The following REST variants were observed in gnomAD, a reference collection of about 807,000 sequenced individuals.
REST encodes RE1-silencing transcription factor.
In REST, 1 loss-of-function variant was observed where a neutral mutation model predicts 30.4. The observed-to-expected ratio is 0.03, with a 90% CI of 0.01 to 0.16. The LOEUF is 0.16. Among genes scored for constraint, REST ranks in the 10% least tolerant of loss-of-function variants. The pLI, the probability that REST is intolerant of heterozygous loss-of-function variation, is 1.00. For missense variants in REST, 1,259 were observed against 1,329.5 expected, an observed-to-expected ratio of 0.95 and a Z score of 0.82; for synonymous variants, 504 against 451.1, an observed-to-expected ratio of 1.12 and a Z score of -1.49.
At chr4:56,921,584 A>C (rs1032296099) in intron 3 of REST, among the ~76,000 whole-genome samples, 4 of 151,756 alleles carry the variant, frequency 2.6e-5, no homozygotes, top group African/African-American at 9.7e-5. Context: ...TAATTTTTGT[A>C]ATTTTAGTAG....
At chr4:56,927,835 A>G (rs1024131319) in intron 3 of REST, among the ~76,000 whole-genome samples, 2 of 152,188 alleles carry the variant, frequency 1.3e-5, no homozygotes, top group African/African-American at 4.8e-5. Context: ...GGTGGGGGGA[A>G]AATCAAGAAA....
intron 2 of REST, among the ~76,000 whole-genome samples, chr4:56,918,232 C>G (rs1193329247): frequency 1.3e-5 from 2 of 152,034 alleles, no homozygotes; most frequent in African/African-American, 4.8e-5. Flanking sequence ...TGGCTCATGC[C>G]CGTAATCCCA....
At chr4:56,927,545 T>G in intron 3 of REST, 1 of 596,204 alleles carries the variant, frequency 1.7e-6, no homozygotes, top group Non-Finnish European at 2.2e-6. Context: ...GATATGAATT[T>G]GAGAATGTTT....
intron 3 of REST, among the ~76,000 whole-genome samples, chr4:56,928,729 G>T (rs1720820054): frequency 6.6e-6 from 1 of 151,804 alleles, no homozygotes. Context: ...GGGATTACTG[G>T]CATGCAACAC....
At chr4:56,919,946 C>T (rs767943402) in intron 3 of REST, 76 bp downstream of exon 3, 9 of 644,006 alleles carry the variant, frequency 1.4e-5, no homozygotes, top group South Asian at 2.8e-5. Context: ...GACTTGTAAC[C>T]GAGTCATTTA....
chr4:56,919,335 G>A (rs1720343993), intron 2 of REST, among the ~76,000 whole-genome samples: 1 of 151,906 alleles, frequency 6.6e-6, no homozygotes, highest in African/African-American at 2.4e-5. Flanking sequence ...ATTGTTTTAA[G>A]CTAACACTTT....
At chr4:56,926,099 G>C (rs901796280) in intron 3 of REST, among the ~76,000 whole-genome samples, 2 of 152,094 alleles carry the variant, frequency 1.3e-5, no homozygotes, top group African/African-American at 4.8e-5. Context: ...TCACCCTGTC[G>C]TCCAGGCTGG....
At chr4:56,919,011 A>G (rs546486801) in intron 2 of REST, among the ~76,000 whole-genome samples, 1 of 144,706 alleles carries the variant, frequency 6.9e-6, no homozygotes, top group African/African-American at 2.6e-5. Flanking sequence ...AACGAGATGA[A>G]GTCTCACTCA....
chr4:56,912,336 A>C (rs1008167315), intron 2 of REST, among the ~76,000 whole-genome samples: 2 of 139,994 alleles, frequency 1.4e-5, no homozygotes, highest in African/African-American at 5.3e-5. Context: ...AAAAAAGTTG[A>C]AACTTTTTTT....
intron 3 of REST, among the ~76,000 whole-genome samples, chr4:56,923,760 C>T (rs568257168): frequency 1.9e-4 from 28 of 150,156 alleles, no homozygotes; most frequent in African/African-American, 6.1e-4. Flanking sequence ...GTCTTGCTGT[C>T]GCCCAGGCTG....
At chr4:56,921,584 A>G (rs1032296099) in intron 3 of REST, among the ~76,000 whole-genome samples, 1 of 151,756 alleles carries the variant, frequency 6.6e-6, no homozygotes, top group African/African-American at 2.4e-5. Context: ...TAATTTTTGT[A>G]ATTTTAGTAG....
At position 56,932,738 on chromosome 4, in the gene REST, G is replaced by A. The variant is rs1182513211; in HGVS notation, c.*586G>A. ...TCGTCATAAAAACAGTGATTTTGGTGTGTTTTTTATTTTGGTGCTTTAATG... is the reference window on the plus strand; with the variant it reads ...TCGTCATAAAAACAGTGATTTTGGTATGTTTTTTATTTTGGTGCTTTAATG... On this transcript the variant is annotated 3_prime_UTR_variant, in exon 4 of 4. Coordinates refer to ENST00000309042, the MANE Select transcript of REST (RefSeq NM_005612.5). 1 of 151,606 alleles carries A rather than the reference G, an allele frequency of 6.6e-6. No homozygotes were observed. Among genetic ancestry groups the A allele is most frequent in the African/African-American group, 2.4e-5 (1 of 41,256 alleles). 9.4% of individuals were successfully genotyped at this position (151,606 alleles called of 1,614,324 possible). A position where few individuals can be genotyped will look rare whatever the true frequency, so the allele number is the denominator to read the frequency against.
chr4:56,927,406 A>G (rs1442749983), intron 3 of REST, among the ~76,000 whole-genome samples: 3 of 152,242 alleles, frequency 2.0e-5, no homozygotes, highest in Non-Finnish European at 4.4e-5. Flanking sequence ...TCAGCTGAAT[A>G]TCTAATTTGA....
At chr4:56,926,603 C>G (rs1359892074) in intron 3 of REST, among the ~76,000 whole-genome samples, 1 of 151,828 alleles carries the variant, frequency 6.6e-6, no homozygotes, top group Non-Finnish European at 1.5e-5. Flanking sequence ...AAATGCCTCC[C>G]AAAGTTTTGG....
In REST at chr4:56,931,331, A is replaced by G. The variant is rs978194547; in HGVS notation, c.2473A>G (p.Asn825Asp). 2 of 1,614,268 alleles carry G rather than the reference A, an allele frequency of 1.2e-6. No homozygotes were observed. Among genetic ancestry groups the G allele is most frequent in the Non-Finnish European group, 1.7e-6 (2 of 1,180,052 alleles). Residue 825 changes from asparagine (N) to aspartate (D), a missense_variant, in exon 4 of 4, where the codon AAC becomes GAC. Physicochemically the swap from Asn to Asp is conservative, Grantham distance 23. Around this residue, in one of 5 missense-constraint regions of REST, gnomAD observed 856 missense variants for 772.8 expected, o/e 1.11. Coordinates refer to ENST00000309042, the MANE Select transcript of REST (RefSeq NM_005612.5). The stretch of plus-strand genomic sequence containing the variant: ...CCGAAAAGATAAAAAGGAAAAGTCT[A>G]ACATGCAGAGTGAAAGGGCACGGAA... Reference protein sequence around the residue: ...PLRKDKKEKSNMQSERARKEQ... With the variant: ...PLRKDKKEKSDMQSERARKEQ...
intron 3 of REST, among the ~76,000 whole-genome samples, chr4:56,929,365 T>C (rs1246519406): frequency 1.3e-5 from 2 of 152,074 alleles, no homozygotes; most frequent in African/African-American, 4.8e-5. Flanking sequence ...TTTGCTCAGG[T>C]TGTTCTCTAA....
At chr4:56,921,289 C>G (rs1720439439) in intron 3 of REST, among the ~76,000 whole-genome samples, 1 of 152,152 alleles carries the variant, frequency 6.6e-6, no homozygotes, top group Admixed American at 6.5e-5. Context: ...TAGCTTAGAT[C>G]TGTGCTATTC....
In REST at chr4:56,929,976, G is replaced by C; in HGVS notation, c.1118G>C (p.Arg373Thr). Reference sequence around the variant, plus strand: ...CACTGTGATTACAAAACAGCAGATAGAAGCAACTTCAAAAAACATGTAGAG... The same window carrying C: ...CACTGTGATTACAAAACAGCAGATACAAGCAACTTCAAAAAACATGTAGAG... Reference protein sequence around the residue: ...CPHCDYKTADRSNFKKHVELH... With the variant: ...CPHCDYKTADTSNFKKHVELH... Residue 373 changes from arginine to threonine, a missense_variant, in exon 4 of 4, where the codon AGA becomes ACA. Arg to Thr is a moderately conservative substitution (Grantham distance 71). Coordinates refer to ENST00000309042, the MANE Select transcript of REST (RefSeq NM_005612.5). 6.2e-7 allele frequency: 1 copy of C among 1,614,158 alleles called. No homozygotes were observed. The highest frequency in any genetic ancestry group is 1.3e-5 in the African/African-American group (1 of 75,032).
At position 56,931,848 on chromosome 4, in the gene REST, T is replaced by G. The variant is rs1273927240; in HGVS notation, c.2990T>G (p.Met997Arg). 3 of 1,614,206 alleles carry G rather than the reference T, an allele frequency of 1.9e-6. No homozygotes were observed. In the South Asian group the frequency reaches 3.3e-5, roughly 18 times the overall value. ...KTALASPPAT[M>R]AANESQEIDE... ...GCACTGGCATCACCTCCTGCTACAA[T>G]GGCAGCAAATGAGTCTCAGGAAATT... The change falls in exon 4 of 4, where the codon ATG becomes AGG. Residue 997 changes from methionine to arginine, a missense_variant. Coordinates refer to ENST00000309042, the MANE Select transcript of REST (RefSeq NM_005612.5).
Sources: gnomAD v4.1 joint callset for allele counts (sites outside exome capture counted in the v4.1 genomes callset) on GRCh38, gnomAD v4.1.1 for gene constraint, gnomAD v4.1.1 regional missense constraint, MANE v1.5 for transcripts, NCBI Gene and HGNC (gene_info 2026-07-23, HGNC 2026-07-21) for gene names.